Variants in TET3 observed in about 807,000 individuals in gnomAD.
TET3 encodes methylcytosine dioxygenase TET3.
In TET3, 19 loss-of-function variants were observed where a neutral mutation model predicts 141.4. That is an observed-to-expected ratio of 0.13 (90% confidence interval 0.09 to 0.20). The LOEUF (loss-of-function observed/expected upper bound fraction) is 0.20, where lower values mean the gene tolerates loss of function less well. Among genes scored for constraint, TET3 ranks in the 10% least tolerant of loss-of-function variants. The pLI is 1.00. For missense variants in TET3, 1,874 were observed against 2,356.9 expected, an observed-to-expected ratio of 0.80 and a Z score of 4.24; for synonymous variants, 1,043 against 980.9, an observed-to-expected ratio of 1.06 and a Z score of -1.18.
chr2:74,022,561 A>G (rs1200105351), intron 3 of TET3, among the ~76,000 whole-genome samples: 2 of 150,772 alleles, frequency 1.3e-5, no homozygotes, highest in African/African-American at 2.4e-5. Context: ...CCAGTAGTTA[A>G]TCGGTTTATT....
chr2:74,090,794 C>G (rs1291530450), intron 8 of TET3, among the ~76,000 whole-genome samples: 1 of 152,224 alleles, frequency 6.6e-6, no homozygotes, highest in Non-Finnish European at 1.5e-5. Context: ...CTCCACTCAG[C>G]TCCAAATGCA....
At chr2:74,109,275 T>TA (rs1230782576), downstream of TET3, among the ~76,000 whole-genome samples, 5 of 152,200 alleles carry the variant, frequency 3.3e-5, no homozygotes, top group Non-Finnish European at 5.9e-5. Flanking sequence ...TATAGAAAAT[T>TA]AGAAGACAGA....
the TET3 span, among the ~76,000 whole-genome samples, chr2:74,131,200 A>G: frequency 6.6e-6 from 1 of 152,100 alleles, no homozygotes; most frequent in African/African-American, 2.4e-5. Flanking sequence ...GAATCACTGT[A>G]TCTTCTTTAC....
intron 4 of TET3, among the ~76,000 whole-genome samples, chr2:74,068,895 T>A (rs1476109303): frequency 6.6e-6 from 1 of 152,210 alleles, no homozygotes; most frequent in Non-Finnish European, 1.5e-5. Context: ...CTATAGTAGC[T>A]CTTGATATAT....
At chr2:74,001,578 G>A (rs1476918750) in intron 2 of TET3, among the ~76,000 whole-genome samples, 1 of 152,214 alleles carries the variant, frequency 6.6e-6, no homozygotes, top group Non-Finnish European at 1.5e-5. Context: ...CAAAGTGTGT[G>A]GAAGTCGCTT....
the TET3 span, among the ~76,000 whole-genome samples, chr2:74,125,011 T>C: frequency 9.8e-6 from 1 of 102,480 alleles, no homozygotes; most frequent in Admixed American, 1.2e-4. Flanking sequence ...GGAATTTTTT[T>C]TCTTTTTTTT....
At chr2:74,017,579 G>T (rs1480005738) in intron 3 of TET3, among the ~76,000 whole-genome samples, 1 of 151,920 alleles carries the variant, frequency 6.6e-6, no homozygotes, top group Non-Finnish European at 1.5e-5. Flanking sequence ...TGTTGTTGTT[G>T]TTTTTTTAAT....
chr2:74,052,372 A>G (rs1369454156), intron 4 of TET3, among the ~76,000 whole-genome samples: 3 of 152,178 alleles, frequency 2.0e-5, no homozygotes, highest in African/African-American at 4.8e-5. Flanking sequence ...CTGGGATGAC[A>G]ATGGGAAAAT....
At chr2:74,036,749 G>A (rs1161524152) in intron 3 of TET3, among the ~76,000 whole-genome samples, 1 of 152,222 alleles carries the variant, frequency 6.6e-6, no homozygotes, top group Non-Finnish European at 1.5e-5. Flanking sequence ...GAGTCACGTA[G>A]AGACTTTTCC....
chr2:74,035,362 G>A, intron 3 of TET3, among the ~76,000 whole-genome samples: 1 of 147,846 alleles, frequency 6.8e-6, no homozygotes, highest in Non-Finnish European at 1.5e-5. Context: ...TACTCGGGAG[G>A]CTGAGGCAGG....
chr2:74,053,148 G>A (rs13006407), intron 4 of TET3, among the ~76,000 whole-genome samples: 60,220 of 152,074 alleles, frequency 0.4, 15,084 homozygotes, highest in African/African-American at 0.71. Context: ...TATGATGTTT[G>A]CAGCTTTGAG....
chr2:74,111,995 A>G (rs1185248929), downstream of TET3, among the ~76,000 whole-genome samples: 1 of 152,206 alleles, frequency 6.6e-6, no homozygotes, highest in Non-Finnish European at 1.5e-5. Flanking sequence ...AGCATCTTCA[A>G]CAGGTATTGT....
In TET3 at chr2:74,101,634, C is replaced by G. The variant is rs764975149; in HGVS notation, c.4846C>G (p.Pro1616Ala). Residue 1616 changes from proline to alanine, a missense_variant, in exon 12 of 12, where the codon CCC (proline) becomes GCC (alanine). By Grantham distance (27) the Pro-to-Ala change is conservative. Around this residue, in one of 10 missense-constraint regions of TET3, gnomAD observed 602 missense variants for 590.2 expected, o/e 1.02. Coordinates refer to ENST00000409262, the MANE Select transcript of TET3 (RefSeq NM_001287491.2). The surrounding 1 kb of genome is among the most constrained non-coding windows in gnomAD (Gnocchi z 8.5). ...CCTGGAGGAGGGGCCGGCTGAGGAGCCCCCCAGCAAGGGAGCGGTGAAGGA... is the reference window on the plus strand; with the variant it reads ...CCTGGAGGAGGGGCCGGCTGAGGAGGCCCCCAGCAAGGGAGCGGTGAAGGA... ...FSLEEGPAEEPPSKGAVKEEK... is the reference protein window; with the variant it reads ...FSLEEGPAEEAPSKGAVKEEK... 1.2e-6 allele frequency: 2 copies of G among 1,613,192 alleles called. No homozygotes were observed. Among genetic ancestry groups the G allele is most frequent in the Non-Finnish European group, 1.7e-6 (2 of 1,179,630 alleles).
the TET3 span, among the ~76,000 whole-genome samples, chr2:74,132,146 C>T: frequency 6.6e-6 from 1 of 152,128 alleles, no homozygotes; most frequent in South Asian, 2.1e-4. Flanking sequence ...AATAGAACCC[C>T]CTCTTCTTTT....
At chr2:74,045,173 C>G (rs898541431) in intron 3 of TET3, among the ~76,000 whole-genome samples, 2 of 152,194 alleles carry the variant, frequency 1.3e-5, no homozygotes, top group African/African-American at 2.4e-5. Flanking sequence ...TGTCTTACAT[C>G]AAGAGGCACA....
intron 3 of TET3, among the ~76,000 whole-genome samples, chr2:74,036,951 T>A (rs1163583635): frequency 6.6e-6 from 1 of 152,028 alleles, no homozygotes; most frequent in Non-Finnish European, 1.5e-5. Flanking sequence ...GGAAAAAAAA[T>A]TAGATTTTAA....
chr2:74,085,409 C>T (rs1690068357), intron 6 of TET3, among the ~76,000 whole-genome samples: 1 of 152,206 alleles, frequency 6.6e-6, no homozygotes, highest in African/African-American at 2.4e-5. Flanking sequence ...TGCCTGGCTA[C>T]CCCTTTCAGG....
At chr2:74,071,781 T>C (rs1689217585) in intron 4 of TET3, among the ~76,000 whole-genome samples, 1 of 152,250 alleles carries the variant, frequency 6.6e-6, no homozygotes, top group South Asian at 2.1e-4. Context: ...GTGTATAGTT[T>C]TTTTGTTTTT....
At chr2:74,002,542 G>A (rs1684907954) in intron 2 of TET3, among the ~76,000 whole-genome samples, 1 of 152,116 alleles carries the variant, frequency 6.6e-6, no homozygotes, top group South Asian at 2.1e-4. Context: ...GCGGGCCTGG[G>A]AAGCAGCCAG....
Sources: allele counts gnomAD v4.1 joint callset (sites outside exome capture counted in the v4.1 genomes callset), GRCh38; gene constraint gnomAD v4.1.1; regional missense constraint gnomAD v4.1.1; non-coding constraint Gnocchi (gnomAD v3.1); transcripts MANE v1.5; gene names NCBI Gene and HGNC (gene_info 2026-07-23, HGNC 2026-07-21).